Variants in LPAR1 observed in about 807,000 individuals in gnomAD.
LPAR1 encodes lysophosphatidic acid receptor 1.
A neutral mutation model predicts 23.8 loss-of-function variants in LPAR1; 5 were observed. The ratio of observed to expected loss-of-function variants is 0.21; its 90% CI spans 0.11 to 0.44. The LOEUF (loss-of-function observed/expected upper bound fraction) is 0.44. Among genes scored for constraint, LPAR1 ranks in the 20% least tolerant of loss-of-function variants. LPAR1 has a pLI of 0.99. For missense variants in LPAR1, 311 were observed against 482.8 expected, an observed-to-expected ratio of 0.64 and a Z score of 3.33; for synonymous variants, 160 against 164.7, an observed-to-expected ratio of 0.97 and a Z score of 0.22.
chr9:111,000,009 A>G lies in LPAR1; in HGVS notation c.-181-26451T>C, dbSNP rs2097098913. Among the ~76,000 whole-genome samples the G allele has an allele frequency of 3.3e-5, 5 of 152,142 alleles. No individual in the cohort carries two copies. The South Asian group carries it at 1.0e-3, about 31-fold the overall frequency. ...ATTACAGGTGTGAGTCAACACACCG[A>G]CTGTAGGGTCTCTTTTATAAGGCCC... On this transcript the variant is annotated intron_variant, in intron 2 of 5. Transcript: ENST00000683809.
intron 4 of LPAR1, among the ~76,000 whole-genome samples, chr9:110,942,877 C>T (rs1166635073): frequency 6.6e-6 from 1 of 151,832 alleles, no homozygotes; most frequent in African/African-American, 2.4e-5. Flanking sequence ...AGTAGGTGAC[C>T]CTTTGACAAT....
intron 5 of LPAR1, among the ~76,000 whole-genome samples, chr9:110,938,805 T>C (rs548965282): frequency 6.6e-6 from 1 of 151,766 alleles, no homozygotes; most frequent in Admixed American, 6.6e-5. Flanking sequence ...GCCTAGGAGG[T>C]CCAGGCTACA....
intron 2 of LPAR1, among the ~76,000 whole-genome samples, chr9:111,024,884 C>A (rs2097657738): frequency 6.6e-6 from 1 of 152,048 alleles, no homozygotes; most frequent in Non-Finnish European, 1.5e-5. Context: ...ATGAACTCAC[C>A]TTTTTTATGG....
At chr9:111,009,761 G>A (rs1047252557) in intron 2 of LPAR1, among the ~76,000 whole-genome samples, 1 of 151,428 alleles carries the variant, frequency 6.6e-6, no homozygotes, top group African/African-American at 2.4e-5. Flanking sequence ...GCTATTTCTA[G>A]TTTTTCAGAA....
chr9:110,890,500 C>G (rs558867037), intron 5 of LPAR1, among the ~76,000 whole-genome samples: 124 of 152,240 alleles, frequency 8.1e-4, no homozygotes, highest in Non-Finnish European at 1.5e-3. Context: ...CACAAAACTA[C>G]AGATTAGTTT....
chr9:110,982,861 T>TACACACACAC (rs55748505), intron 2 of LPAR1, among the ~76,000 whole-genome samples: 3,159 of 140,034 alleles, frequency 0.023, 50 homozygotes, highest in Non-Finnish European at 0.034. Flanking sequence ...TATATACACA[T>TACACACACAC]ACACACACAC....
chr9:110,974,804 C>CT (rs2096517815), intron 2 of LPAR1, among the ~76,000 whole-genome samples: 1 of 152,100 alleles, frequency 6.6e-6, no homozygotes. Flanking sequence ...TATACAGGAC[C>CT]TTTCTTTTTT....
chr9:110,916,445 A>T (rs10817111), intron 5 of LPAR1, among the ~76,000 whole-genome samples: 55,408 of 152,054 alleles, frequency 0.36, 10,758 homozygotes, highest in East Asian at 0.8. Context: ...CACTTTTGTA[A>T]CCTTACTTAA....
chr9:110,909,060 C>A (rs2091938662), intron 5 of LPAR1, among the ~76,000 whole-genome samples: 1 of 152,168 alleles, frequency 6.6e-6, no homozygotes, highest in African/African-American at 2.4e-5. Flanking sequence ...TGCCATATCC[C>A]TCACTCATCA....
chr9:110,894,778 G>C (rs1371661687), intron 5 of LPAR1, among the ~76,000 whole-genome samples: 3 of 152,112 alleles, frequency 2.0e-5, no homozygotes, highest in Non-Finnish European at 4.4e-5. Context: ...CCTTTTGGGA[G>C]GCTGAGGCAG....
At chr9:110,933,040 T>A (rs758947794) in intron 5 of LPAR1, among the ~76,000 whole-genome samples, 1 of 152,174 alleles carries the variant, frequency 6.6e-6, no homozygotes, top group Non-Finnish European at 1.5e-5. Context: ...TTTAACCAAC[T>A]CTGAAGAGTC....
chr9:111,014,635 A>G (rs1473399989), intron 2 of LPAR1, among the ~76,000 whole-genome samples: 1 of 152,130 alleles, frequency 6.6e-6, no homozygotes, highest in Admixed American at 6.6e-5. Context: ...TGCACATGGC[A>G]TGTTTCAAAA....
intron 2 of LPAR1, among the ~76,000 whole-genome samples, chr9:111,029,437 G>T (rs1348784257): frequency 6.6e-6 from 1 of 151,906 alleles, no homozygotes; most frequent in Admixed American, 6.6e-5. Flanking sequence ...CTTCGAGATT[G>T]GTCCCACCAC....
intron 5 of LPAR1, among the ~76,000 whole-genome samples, chr9:110,886,430 A>AC (rs2082429890): frequency 6.6e-6 from 1 of 151,558 alleles, no homozygotes; most frequent in Non-Finnish European, 1.5e-5. Context: ...GAAAAAAAAA[A>AC]AAAAAACAAT....
chr9:110,948,203 C>T (rs1340527002), intron 4 of LPAR1, among the ~76,000 whole-genome samples: 1 of 152,070 alleles, frequency 6.6e-6, no homozygotes, highest in African/African-American at 2.4e-5. Context: ...AGAAAAGAGA[C>T]AGCATAGAAT....
At chr9:110,890,065 A>C (rs773484628) in intron 5 of LPAR1, among the ~76,000 whole-genome samples, 2 of 152,200 alleles carry the variant, frequency 1.3e-5, no homozygotes, top group Non-Finnish European at 2.9e-5. Flanking sequence ...AAAGAGACAA[A>C]TGTCTTATAA....
intron 2 of LPAR1, among the ~76,000 whole-genome samples, chr9:111,026,059 G>C (rs1000724091): frequency 1.3e-5 from 2 of 152,116 alleles, no homozygotes; most frequent in African/African-American, 4.8e-5. Flanking sequence ...TTCTAATTCT[G>C]TGAAGAAAGT....
chr9:110,969,946 A>G (rs969635268), intron 4 of LPAR1, among the ~76,000 whole-genome samples: 3 of 152,222 alleles, frequency 2.0e-5, no homozygotes, highest in African/African-American at 4.8e-5. Context: ...GCAGAAGTGT[A>G]TAATTTTAAT....
At chr9:110,916,430 A>C (rs1442377823) in intron 5 of LPAR1, among the ~76,000 whole-genome samples, 2 of 152,244 alleles carry the variant, frequency 1.3e-5, no homozygotes, top group African/African-American at 4.8e-5. Context: ...GGTCAAGTTC[A>C]GAATCACTTT....
Sources: gnomAD v4.1 joint callset for allele counts (sites outside exome capture counted in the v4.1 genomes callset) on GRCh38, gnomAD v4.1.1 for gene constraint, MANE v1.5 for transcripts, NCBI Gene and HGNC (gene_info 2026-07-23, HGNC 2026-07-21) for gene names.